Variants in CSNK1G1 observed in about 807,000 individuals in gnomAD.
The protein encoded by CSNK1G1 is casein kinase I isoform gamma-1.
A neutral mutation model predicts 59.6 loss-of-function variants in CSNK1G1; 22 were observed. The observed-to-expected ratio is 0.37, with a 90% CI of 0.26 to 0.53. CSNK1G1 has a LOEUF of 0.53. Ranked by LOEUF, CSNK1G1 falls within the 20% of genes least tolerant of loss-of-function variation. The pLI is 0.89. For synonymous variants in CSNK1G1, 179 were observed against 177.1 expected, an observed-to-expected ratio of 1.01 and a Z score of -0.08; for missense variants, 384 against 519.5, an observed-to-expected ratio of 0.74 and a Z score of 2.54.
Position 64,165,950 on chromosome 15 carries a change from C to T in CSNK1G1, c.*5981G>A, listed in dbSNP as rs537182379. The T allele has an allele frequency of 3.2e-6, 2 of 624,932 alleles. No individual in the cohort carries two copies. The highest frequency in any genetic ancestry group is 2.9e-5 in the East Asian group (1 of 34,660). 38.7% of individuals were successfully genotyped at this position (624,932 alleles called of 1,614,324 possible). ...TGCAGAGAAGATTTTCCTAATGGTG[C>T]ACAAATATCTCTCCTGGAGGAACCA... On this transcript the variant is annotated 3_prime_UTR_variant, in exon 12 of 12. Transcript: ENST00000303052.
intron 4 of CSNK1G1, among the ~76,000 whole-genome samples, chr15:64,224,900 A>G (rs1311738414): frequency 6.6e-6 from 1 of 152,188 alleles, no homozygotes; most frequent in African/African-American, 2.4e-5. Context: ...TGAGCCTTAA[A>G]GCAGGCTTAA....
intron 7 of CSNK1G1, among the ~76,000 whole-genome samples, chr15:64,206,184 G>A (rs552314175): frequency 1.3e-5 from 2 of 152,226 alleles, no homozygotes; most frequent in South Asian, 4.2e-4. Context: ...GCTCACGCCT[G>A]TAATCCCAGC....
intron 2 of CSNK1G1, among the ~76,000 whole-genome samples, chr15:64,260,340 A>G (rs977626730): frequency 1.3e-5 from 2 of 152,202 alleles, no homozygotes; most frequent in Non-Finnish European, 2.9e-5. Flanking sequence ...AGTAAATGTT[A>G]TATTTCTGTA....
At chr15:64,256,730 G>A (rs534608652) in intron 3 of CSNK1G1, among the ~76,000 whole-genome samples, 5 of 152,148 alleles carry the variant, frequency 3.3e-5, no homozygotes, top group South Asian at 2.1e-4. Flanking sequence ...CTTTGTGTAC[G>A]ATTTTTTTAA....
At chr15:64,317,248 C>T (rs1260310888) in intron 1 of CSNK1G1, among the ~76,000 whole-genome samples, 1 of 152,092 alleles carries the variant, frequency 6.6e-6, no homozygotes, top group Non-Finnish European at 1.5e-5. Context: ...GCCACTACGC[C>T]CGGCTAATTT....
chr15:64,187,487 C>G (rs374823472), intron 10 of CSNK1G1, among the ~76,000 whole-genome samples: 42 of 152,228 alleles, frequency 2.8e-4, no homozygotes, highest in African/African-American at 8.7e-4. Flanking sequence ...GGAGCTACCA[C>G]GCCCAGCCTC....
intron 10 of CSNK1G1, among the ~76,000 whole-genome samples, chr15:64,189,063 T>G (rs975523013): frequency 5.3e-5 from 8 of 151,948 alleles, no homozygotes; most frequent in African/African-American, 1.9e-4. Flanking sequence ...GAGGTGGAGG[T>G]TGCAGTGAGC....
At chr15:64,238,393 T>C (rs886380764) in intron 4 of CSNK1G1, among the ~76,000 whole-genome samples, 1 of 148,646 alleles carries the variant, frequency 6.7e-6, no homozygotes, top group African/African-American at 2.5e-5. Context: ...CTTGGGAGGC[T>C]GAAGTGAGAG....
At chr15:64,178,653 T>C (rs2081771027) in intron 11 of CSNK1G1, among the ~76,000 whole-genome samples, 1 of 151,902 alleles carries the variant, frequency 6.6e-6, no homozygotes, top group Admixed American at 6.6e-5. Context: ...AGCTAATTTT[T>C]ATATTTTTAG....
intron 10 of CSNK1G1, chr15:64,181,369 C>A: frequency 6.5e-7 from 1 of 1,535,814 alleles, no homozygotes; most frequent in South Asian, 1.2e-5. Flanking sequence ...TATGTGGGTG[C>A]TGGGAAGTGG....
chr15:64,321,256 T>TC (rs199890959), intron 1 of CSNK1G1, among the ~76,000 whole-genome samples: 28 of 151,026 alleles, frequency 1.9e-4, no homozygotes, highest in African/African-American at 6.8e-4. Flanking sequence ...TTTCTTTTTT[T>TC]CCTTTTTTTT....
intron 2 of CSNK1G1, among the ~76,000 whole-genome samples, chr15:64,274,209 A>T (rs1195233379): frequency 6.6e-6 from 1 of 152,230 alleles, no homozygotes; most frequent in Non-Finnish European, 1.5e-5. Flanking sequence ...CATTGCCTCA[A>T]ATGAATTTCT....
At chr15:64,292,704 C>T (rs904362856) in intron 2 of CSNK1G1, among the ~76,000 whole-genome samples, 4 of 152,102 alleles carry the variant, frequency 2.6e-5, no homozygotes, top group Non-Finnish European at 5.9e-5. Flanking sequence ...GTGGCTGGAT[C>T]ACTAGCTTAG....
At chr15:64,323,392 T>C (rs1896667763) in intron 1 of CSNK1G1, among the ~76,000 whole-genome samples, 1 of 151,822 alleles carries the variant, frequency 6.6e-6, no homozygotes, top group Non-Finnish European at 1.5e-5. Flanking sequence ...TGAGACAGAG[T>C]TTCACTTTTG....
intron 11 of CSNK1G1, among the ~76,000 whole-genome samples, chr15:64,175,115 C>A (rs1267434236): frequency 2.6e-5 from 4 of 151,052 alleles, no homozygotes; most frequent in Admixed American, 2.0e-4. Context: ...AAAAATAGAC[C>A]ACCACAATGT....
chr15:64,175,469 C>G (rs1262041478), intron 11 of CSNK1G1, among the ~76,000 whole-genome samples: 1 of 152,110 alleles, frequency 6.6e-6, no homozygotes, highest in African/African-American at 2.4e-5. Context: ...GGCAAGAGAG[C>G]AGGGGAAGGG....
chr15:64,309,883 GAT>G (rs1895898353), intron 1 of CSNK1G1, among the ~76,000 whole-genome samples: 1 of 152,084 alleles, frequency 6.6e-6, no homozygotes, highest in Non-Finnish European at 1.5e-5. Context: ...GTCAAGACAA[GAT>G]GATCGCTTGA....
chr15:64,308,821 C>T (rs138349765), intron 1 of CSNK1G1, among the ~76,000 whole-genome samples: 7,708 of 151,648 alleles, frequency 0.051, 287 homozygotes, highest in South Asian at 0.11. Context: ...GGCGTGAACC[C>T]GGGAGGCGGA....
intron 1 of CSNK1G1, among the ~76,000 whole-genome samples, chr15:64,340,642 C>A (rs1044571444): frequency 6.6e-6 from 1 of 152,138 alleles, no homozygotes; most frequent in Admixed American, 6.6e-5. Context: ...AATGAAGTTG[C>A]TAGGTAGAAC....
Sources: gnomAD v4.1 joint callset for allele counts (sites outside exome capture counted in the v4.1 genomes callset) on GRCh38, gnomAD v4.1.1 for gene constraint, MANE v1.5 for transcripts, NCBI Gene and HGNC (gene_info 2026-07-23, HGNC 2026-07-21) for gene names.